SFT2D2: variants seen among roughly 807,000 people sequenced by gnomAD.
SFT2D2 encodes the protein SFT2 domain containing 2, also known as vesicle transport protein SFT2B.
Under a neutral mutation model 27.4 loss-of-function variants are expected in SFT2D2, and 21 were observed. That is an observed-to-expected ratio of 0.77 (90% CI 0.54 to 1.10). The LOEUF is 1.10. Ranked by LOEUF, SFT2D2 falls within the 50% of genes least tolerant of loss-of-function variation. The pLI, the probability that SFT2D2 is intolerant of heterozygous loss-of-function variation, is 0.00. For synonymous variants in SFT2D2, 72 were observed against 71.7 expected (o/e 1.00, Z -0.02); for missense variants, 187 against 194.2 (o/e 0.96, Z 0.22).
chr1:168,231,526 T>G lies in SFT2D2; in HGVS notation c.76T>G (p.Ser26Ala). 1 of 1,613,800 alleles carries G rather than the reference T, an allele frequency of 6.2e-7. No individual in the cohort carries two copies. The highest frequency in any genetic ancestry group is 1.1e-5 in the South Asian group (1 of 91,044). Residue 26 changes from serine (S) to alanine (A), a missense_variant, in exon 2 of 8, where the codon TCT becomes GCT. Physicochemically the swap from Ser to Ala is moderately conservative, Grantham distance 99 (BLOSUM62 1). Coordinates refer to ENST00000271375, the MANE Select transcript of SFT2D2 (RefSeq NM_199344.3). ...TTTTCAATTTTAGGTTGTTGAGGCA[T>G]CTTCATTAAGCTGGAGTACCAGGAT... is the stretch of plus-strand genomic sequence containing the variant. ...RSGLSEVVEA[S>A]SLSWSTRIKG...
intron 3 of SFT2D2, 72 bp from the exon 4 acceptor site, chr1:168,235,029 T>A: frequency 7.6e-7 from 1 of 1,311,722 alleles, no homozygotes; most frequent in Non-Finnish European, 1.1e-6. Context: ...ACAGGAAATC[T>A]TGGGGAGGCG....
In SFT2D2 at chr1:168,247,076, T is replaced by G. The variant is rs756297034; in HGVS notation, c.*4536T>G. On this transcript the variant is annotated 3_prime_UTR_variant, in exon 8 of 8. Transcript: ENST00000271375. ...TTTTTGATATTCTGTGATATTTCTT[T>G]TTTTTCAGATAGTCTCTTTTGTAGT... The G allele has an allele frequency of 7.6e-6, 3 of 395,190 alleles. No individual in the cohort carries two copies. The highest frequency in any genetic ancestry group is 1.5e-5 in the Non-Finnish European group (3 of 199,026). 24.5% of individuals were successfully genotyped at this position (395,190 alleles called of 1,614,324 possible).
At position 168,246,439 on chromosome 1, in the gene SFT2D2, T is replaced by G; in HGVS notation, c.*3899T>G. The G allele has an allele frequency of 8.9e-7, 1 of 1,122,006 alleles. No homozygotes were observed. The highest frequency in any genetic ancestry group is 1.2e-6 in the Non-Finnish European group (1 of 816,730). The allele number at this position is 1,122,006 out of a possible 1,614,324, so 69.5% of individuals were successfully genotyped here. On this transcript the variant is annotated 3_prime_UTR_variant, in exon 8 of 8. Transcript: ENST00000271375. ...TCAATGTCCTTCATTTGACACCGTT[T>G]GGTTTAGCTCTCTTTGTATGTGTTC...
rs763361109 is a variant in SFT2D2 at position 168,231,860 on chromosome 1, G to C, written c.177G>C (p.Arg59Ser). ...GTACTGTTCTGCTGTGGGTGCCCAGGAAGGGACTACACCTCTTCGCAGTGT... is the reference window on the plus strand; with the variant it reads ...GTACTGTTCTGCTGTGGGTGCCCAGCAAGGGACTACACCTCTTCGCAGTGT... ...LLGTVLLWVP[R>S]KGLHLFAVFY... The change falls in exon 3 of 8, where the codon AGG becomes AGC. Residue 59 changes from arginine (R) to serine (S), a missense_variant. By Grantham distance (110) the Arg-to-Ser change is moderately radical. Coordinates refer to ENST00000271375, the MANE Select transcript of SFT2D2 (RefSeq NM_199344.3). 1.2e-6 allele frequency: 2 copies of C among 1,614,152 alleles called. No homozygotes were observed. Among genetic ancestry groups the C allele is most frequent in the Non-Finnish European group, 1.7e-6 (2 of 1,180,020 alleles).
chr1:168,233,628 A>C (rs1293288811), intron 3 of SFT2D2, among the ~76,000 whole-genome samples: 2 of 152,148 alleles, frequency 1.3e-5, no homozygotes, highest in African/African-American at 4.8e-5. Context: ...AGCTTTCTCC[A>C]ATACTAACTT....
At chr1:168,235,444 C>T (rs1033237335) in intron 4 of SFT2D2, among the ~76,000 whole-genome samples, 1 of 152,150 alleles carries the variant, frequency 6.6e-6, no homozygotes, top group Non-Finnish European at 1.5e-5. Context: ...TCAGATGAGC[C>T]ACAGTGGTGT....
rs1647712725 is a variant in SFT2D2, at chr1:168,243,599, A to G, written c.*1059A>G. ...ATGTCAGCCTGATGCCTAACCTACA[A>G]AGTGCTTTTGTGTCCACGATCTTAC... On this transcript the variant is annotated 3_prime_UTR_variant, in exon 8 of 8. Transcript: ENST00000271375. 1 of 152,284 alleles carries G rather than the reference A, an allele frequency of 6.6e-6. No individual in the cohort carries two copies. Among genetic ancestry groups the G allele is most frequent in the African/African-American group, 2.4e-5 (1 of 41,394 alleles). The allele number at this position is 152,284 out of a possible 1,614,324, so 9.4% of individuals were successfully genotyped here. A position where few individuals can be genotyped will look rare whatever the true frequency, so the allele number is the denominator to read the frequency against.
At chr1:168,226,253 T>A in intron 1 of SFT2D2, 111 bp downstream of exon 1, 1 of 908,808 alleles carries the variant, frequency 1.1e-6, no homozygotes, top group Middle Eastern at 3.6e-4. Flanking sequence ...ACGGTAGCTC[T>A]GCCCCTTCTC....
At chr1:168,227,138 C>T (rs1046217042) in intron 1 of SFT2D2, among the ~76,000 whole-genome samples, 3 of 152,166 alleles carry the variant, frequency 2.0e-5, no homozygotes, top group African/African-American at 7.2e-5. Context: ...AAGTTTTGAT[C>T]GTGCTGAAAC....
intron 7 of SFT2D2, among the ~76,000 whole-genome samples, chr1:168,241,425 T>A (rs1198165092): frequency 6.6e-6 from 1 of 151,874 alleles, no homozygotes; most frequent in African/African-American, 2.4e-5. Flanking sequence ...ACTCCTGACC[T>A]CAAGTGATTG....
At chr1:168,229,660 A>G (rs188808845) in intron 1 of SFT2D2, 1 of 152,492 alleles carries the variant, frequency 6.6e-6, no homozygotes, top group African/African-American at 2.4e-5. Context: ...GGCCAATCCT[A>G]CTACCGCTCT....
chr1:168,235,209 C>T, intron 4 of SFT2D2, 27 bp downstream of exon 4: 1 of 1,602,756 alleles, frequency 6.2e-7, no homozygotes, highest in Non-Finnish European at 8.5e-7. Flanking sequence ...AGCTGGACTT[C>T]TCAGATGGGA....
chr1:168,248,620 A>G lies in SFT2D2; in HGVS notation c.*6080A>G, dbSNP rs1306539909. ...TTCTGCATCTATTGAGTTAGGGAGG[A>G]TTCCCTCTTTTTCTATTGTTTGGAA... On this transcript the variant is annotated 3_prime_UTR_variant, in exon 8 of 8. Transcript: ENST00000271375. 1 of 152,062 alleles carries G rather than the reference A, an allele frequency of 6.6e-6. No homozygotes were observed. Among genetic ancestry groups the G allele is most frequent in the African/African-American group, 2.4e-5 (1 of 41,420 alleles). 9.4% of individuals were successfully genotyped at this position (152,062 alleles called of 1,614,324 possible).
chr1:168,244,113 C>G lies in SFT2D2; in HGVS notation c.*1573C>G, dbSNP rs867278500. 1 of 152,412 alleles carries G rather than the reference C, an allele frequency of 6.6e-6. No homozygotes were observed. The highest frequency in any genetic ancestry group is 2.4e-5 in the African/African-American group (1 of 41,428). The allele number at this position is 152,412 out of a possible 1,614,324, so 9.4% of individuals were successfully genotyped here. On this transcript the variant is annotated 3_prime_UTR_variant, in exon 8 of 8. Transcript: ENST00000271375. The stretch of plus-strand genomic sequence containing the variant: ...AAAGGAAGTGGCCTGCTGGTTGTCC[C>G]CTTTCTTGTGGCTAATTGCTGAACC...
chr1:168,227,050 C>T (rs983221335), intron 1 of SFT2D2, among the ~76,000 whole-genome samples: 1 of 152,098 alleles, frequency 6.6e-6, no homozygotes, highest in Non-Finnish European at 1.5e-5. Flanking sequence ...GAACTCCTGA[C>T]CTCAAGTGAT....
intron 6 of SFT2D2, among the ~76,000 whole-genome samples, chr1:168,237,428 T>A (rs1367524460): frequency 6.6e-6 from 1 of 152,156 alleles, no homozygotes; most frequent in Admixed American, 6.5e-5. Flanking sequence ...GGCTGTAGGT[T>A]CATGGTCCTT....
chr1:168,231,490 G>C (rs1275083498), intron 1 of SFT2D2, 24 bp from the exon 2 acceptor site: 1 of 1,553,682 alleles, frequency 6.4e-7, no homozygotes, highest in South Asian at 1.1e-5. Flanking sequence ...GTGTGTATAT[G>C]TATTTTTTTT....
intron 6 of SFT2D2, among the ~76,000 whole-genome samples, chr1:168,237,861 GTTT>G (rs34474940): frequency 4.1e-5 from 4 of 98,364 alleles, no homozygotes; most frequent in African/African-American, 1.4e-4. Flanking sequence ...GTGTGTGTAT[GTTT>G]TTTTTTTTTT....
In SFT2D2 at chr1:168,249,432, C is replaced by T. The variant is rs1647902091; in HGVS notation, c.*6892C>T. On this transcript the variant is annotated 3_prime_UTR_variant, in exon 8 of 8. Coordinates refer to ENST00000271375, the MANE Select transcript of SFT2D2 (RefSeq NM_199344.3). The stretch of plus-strand genomic sequence containing the variant: ...TGTATTTTTAGTAGAAACAGGGTTT[C>T]ACCATGTTGGCCAGGCTGGTCTCGA... 1 of 152,624 alleles carries T rather than the reference C, an allele frequency of 6.6e-6. No individual in the cohort carries two copies. Among genetic ancestry groups the T allele is most frequent in the Non-Finnish European group, 1.5e-5 (1 of 68,070 alleles). 9.5% of individuals were successfully genotyped at this position (152,624 alleles called of 1,614,324 possible).
Sources: allele counts gnomAD v4.1 joint callset (sites outside exome capture counted in the v4.1 genomes callset), GRCh38; gene constraint gnomAD v4.1.1; transcripts MANE v1.5; gene names NCBI Gene and HGNC (gene_info 2026-07-23, HGNC 2026-07-21).